Variants in SLC6A3 observed in about 807,000 individuals in gnomAD.
SLC6A3 encodes sodium-dependent dopamine transporter.
Under a neutral mutation model 70.4 loss-of-function variants are expected in SLC6A3, and 19 were observed. That is an observed-to-expected ratio of 0.27 (90% CI 0.19 to 0.40). The LOEUF (loss-of-function observed/expected upper bound fraction) is 0.40. Among genes scored for constraint, SLC6A3 ranks in the 10% least tolerant of loss-of-function variants. The pLI is 1.00. For synonymous variants in SLC6A3, 368 were observed against 356.6 expected (o/e 1.03, Z -0.36); for missense variants, 613 against 838.5 (o/e 0.73, Z 3.32).
intron 4 of SLC6A3, among the ~76,000 whole-genome samples, chr5:1,425,987 A>G (rs1315811563): frequency 5.9e-5 from 9 of 152,192 alleles, no homozygotes. Context: ...ACCCATTAGG[A>G]TGGCTATGAT....
intron 14 of SLC6A3, among the ~76,000 whole-genome samples, chr5:1,398,336 G>A (rs1755769548): frequency 6.7e-6 from 1 of 148,872 alleles, no homozygotes; most frequent in African/African-American, 2.5e-5. Flanking sequence ...ACTCCAGCCT[G>A]GGTGACAGAG....
At chr5:1,398,561 G>T (rs1244869652) in intron 14 of SLC6A3, among the ~76,000 whole-genome samples, 4 of 152,132 alleles carry the variant, frequency 2.6e-5, no homozygotes, top group African/African-American at 4.8e-5. Context: ...AAATGTAAAT[G>T]GATTAACCTG....
Position 1,404,387 on chromosome 5 carries a change from A to C in SLC6A3, c.1600-1298T>G, listed in dbSNP as rs1284526562. Among the ~76,000 whole-genome samples, 1 of 152,238 alleles carries C rather than the reference A, an allele frequency of 6.6e-6. No homozygotes were observed. The highest frequency in any genetic ancestry group is 2.4e-5 in the African/African-American group (1 of 41,460). ...AAGAGCCACGCGTGCATCCCTGGAC[A>C]TGTCGGGCTTGCCTATCTGACATGG... is the stretch of plus-strand genomic sequence containing the variant. On this transcript the variant is annotated intron_variant, in intron 12 of 14. Transcript: ENST00000270349. The surrounding 1 kb of genome is among the most constrained non-coding windows in gnomAD (Gnocchi z 5.2).
chr5:1,402,555 C>A lies in SLC6A3; in HGVS notation c.1767+367G>T, dbSNP rs532118697. 1.1e-4 allele frequency among the ~76,000 whole-genome samples: 16 copies of A among 152,202 alleles called. No individual in the cohort carries two copies. Among genetic ancestry groups the A allele is most frequent in the African/African-American group, 3.9e-4 (16 of 41,528 alleles). On this transcript the variant is annotated intron_variant, in intron 13 of 14. Transcript: ENST00000270349. The surrounding 1 kb of genome is among the most constrained non-coding windows in gnomAD (Gnocchi z 8.5). ...CTCAGTACACACAAACACTTGGACA[C>A]GAATGTGAGCACAGACCCAGGCCCA...
chr5:1,441,246 T>C, intron 3 of SLC6A3, 113 bp downstream of exon 3: 1 of 1,340,236 alleles, frequency 7.5e-7, no homozygotes, highest in Non-Finnish European at 1.1e-6. Flanking sequence ...CATGCCTGTG[T>C]CTTAGCAAAG....
chr5:1,415,367 G>T (rs1756263094), intron 7 of SLC6A3, among the ~76,000 whole-genome samples: 1 of 152,158 alleles, frequency 6.6e-6, no homozygotes, highest in Non-Finnish European at 1.5e-5. Flanking sequence ...GCCTGTCACT[G>T]GGGTGGAAGG....
intron 3 of SLC6A3, among the ~76,000 whole-genome samples, chr5:1,440,280 G>GATGA (rs1233093852): frequency 1.7e-4 from 26 of 152,214 alleles, no homozygotes; most frequent in Admixed American, 1.7e-3. Context: ...TAGATGAATG[G>GATGA]ATGAATGAAT....
chr5:1,414,909 G>A (rs1468774370), intron 7 of SLC6A3, 94 bp from the exon 8 acceptor site: 4 of 1,528,308 alleles, frequency 2.6e-6, no homozygotes, highest in Non-Finnish European at 3.6e-6. Context: ...GTCTGGGGAA[G>A]GGGGCGGGAG....
chr5:1,414,462 G>GTGGGGGGCCGGGAGGGGCAGGGTGGA (rs1756216209), intron 8 of SLC6A3, among the ~76,000 whole-genome samples: 1 of 114,042 alleles, frequency 8.8e-6, no homozygotes, highest in African/African-American at 4.5e-5. Flanking sequence ...GGCAGGGCGG[G>GTGGGGGGCCGGGAGGGGCAGGGTGGA]GAAGGCGCTG....
chr5:1,420,758 A>C (rs1458251736), intron 5 of SLC6A3, 55 bp from the exon 6 acceptor site: 4 of 1,601,204 alleles, frequency 2.5e-6, no homozygotes, highest in Non-Finnish European at 1.7e-6. Flanking sequence ...TGGTGGGAGC[A>C]GACACTGGCA....
Position 1,396,555 on chromosome 5 carries a change from A to G in SLC6A3, c.1840-1797T>C, listed in dbSNP as rs377413787. Reference sequence around the variant, plus strand: ...GAGGTGGCTGCAGTTTGCAGGCCAGAGCGCCAGAGAGGAGGTGGCCACACA... The same window carrying G: ...GAGGTGGCTGCAGTTTGCAGGCCAGGGCGCCAGAGAGGAGGTGGCCACACA... On this transcript the variant is annotated intron_variant, in intron 14 of 14. Transcript: ENST00000270349. The surrounding 1 kb of genome is among the most constrained non-coding windows in gnomAD (Gnocchi z 7.0). 1.8e-4 allele frequency among the ~76,000 whole-genome samples: 27 copies of G among 152,344 alleles called. No individual in the cohort carries two copies. In the East Asian group the frequency reaches 3.9e-3, roughly 22 times the overall value.
At chr5:1,416,076 C>T (rs1197879186) in intron 7 of SLC6A3, 22 bp downstream of exon 7, 8 of 1,574,600 alleles carry the variant, frequency 5.1e-6, no homozygotes, top group African/African-American at 1.3e-5. Context: ...GAGGCCCCTG[C>T]CTGGCCCTGC....
chr5:1,435,661 G>C (rs1756811853), intron 3 of SLC6A3, among the ~76,000 whole-genome samples: 1 of 152,250 alleles, frequency 6.6e-6, no homozygotes, highest in African/African-American at 2.4e-5. Context: ...CCCTTACCAA[G>C]AGGACCCCTC....
intron 4 of SLC6A3, among the ~76,000 whole-genome samples, chr5:1,425,765 C>G (rs796174009): frequency 4.6e-5 from 7 of 152,220 alleles, no homozygotes; most frequent in African/African-American, 1.7e-4. Context: ...ACCTATTAAT[C>G]TGAAAAGAGA....
chr5:1,402,824 C>T lies in SLC6A3; in HGVS notation c.1767+98G>A. On this transcript the variant is annotated intron_variant, in intron 13 of 14. Coordinates refer to ENST00000270349, the MANE Select transcript of SLC6A3 (RefSeq NM_001044.5). The surrounding 1 kb of genome is among the most constrained non-coding windows in gnomAD (Gnocchi z 8.5). The stretch of plus-strand genomic sequence containing the variant: ...ACCTCCAGTCTCCTCCTCTTGGTCA[C>T]AGATGACCCAGGCAGGTGAGGACTG... 3 of 1,263,762 alleles carry T rather than the reference C, an allele frequency of 2.4e-6. No homozygotes were observed. Among genetic ancestry groups the T allele is most frequent in the Non-Finnish European group, 3.4e-6 (3 of 883,252 alleles). The allele number at this position is 1,263,762 out of a possible 1,614,324, so 78.3% of individuals were successfully genotyped here.
In SLC6A3 at chr5:1,394,484, A is replaced by G; in HGVS notation, c.*251T>C. The G allele has an allele frequency of 1.6e-6, 1 of 609,266 alleles. No individual in the cohort carries two copies. Among genetic ancestry groups the G allele is most frequent in the South Asian group, 1.9e-5 (1 of 51,630 alleles). 37.7% of individuals were successfully genotyped at this position (609,266 alleles called of 1,614,324 possible). ...GACGTTTTTCTGCCCTGCAGGGACA[A>G]CAACGGGGTGGACCTCGCTGCACAG... On this transcript the variant is annotated 3_prime_UTR_variant, in exon 15 of 15. Transcript: ENST00000270349. The surrounding 1 kb of genome is among the most constrained non-coding windows in gnomAD (Gnocchi z 4.7).
At chr5:1,415,903 CCTT>C (rs1286934745) in intron 7 of SLC6A3, among the ~76,000 whole-genome samples, 192 bp downstream of exon 7, 1 of 152,240 alleles carries the variant, frequency 6.6e-6, no homozygotes, top group Non-Finnish European at 1.5e-5. Context: ...GGCTTCAGTG[CCTT>C]CTTTAAAGTT....
Position 1,394,441 on chromosome 5 carries a change from A to G in SLC6A3, c.*294T>C. The stretch of plus-strand genomic sequence containing the variant: ...GGAGCAGGGAGGGAGGGAGCCTCAC[A>G]CAGACAGCATGAAGTTAGACGTTTT... On this transcript the variant is annotated 3_prime_UTR_variant, in exon 15 of 15. Coordinates refer to ENST00000270349, the MANE Select transcript of SLC6A3 (RefSeq NM_001044.5). The surrounding 1 kb of genome is among the most constrained non-coding windows in gnomAD (Gnocchi z 4.7). 1.8e-6 allele frequency: 1 copy of G among 556,780 alleles called. No homozygotes were observed. The highest frequency in any genetic ancestry group is 3.0e-5 in the Admixed American group (1 of 33,566). The allele number at this position is 556,780 out of a possible 1,614,324, so 34.5% of individuals were successfully genotyped here. A position where few individuals can be genotyped will look rare whatever the true frequency, so the allele number is the denominator to read the frequency against.
At chr5:1,434,220 C>T (rs1756777373) in intron 3 of SLC6A3, among the ~76,000 whole-genome samples, 1 of 152,214 alleles carries the variant, frequency 6.6e-6, no homozygotes, top group Non-Finnish European at 1.5e-5. Flanking sequence ...CCACCAGGGT[C>T]CACCCAGGGC....
Sources: allele counts gnomAD v4.1 joint callset (sites outside exome capture counted in the v4.1 genomes callset), GRCh38; gene constraint gnomAD v4.1.1; non-coding constraint Gnocchi (gnomAD v3.1); transcripts MANE v1.5; gene names NCBI Gene and HGNC (gene_info 2026-07-23, HGNC 2026-07-21).